The following MAF variants were observed in gnomAD, a reference collection of about 807,000 sequenced individuals.
MAF encodes transcription factor Maf.
A neutral mutation model predicts 22.0 loss-of-function variants in MAF; 10 were observed. That is an observed-to-expected ratio of 0.45 (90% confidence interval 0.28 to 0.77). MAF has a LOEUF of 0.77. MAF is among the 30% of genes least tolerant of loss of function. The pLI is 0.12. For synonymous variants in MAF, 337 were observed against 255.8 expected (o/e 1.32, Z -3.03); for missense variants, 544 against 548.4 (o/e 0.99, Z 0.08).
chr16:79,436,269 G>C, the MAF span, among the ~76,000 whole-genome samples: 2 of 152,128 alleles, frequency 1.3e-5, no homozygotes, highest in Non-Finnish European at 2.9e-5. Context: ...TTTTAGTAGG[G>C]ATGAGGTTTT....
chr16:79,302,518 C>T, the MAF span, among the ~76,000 whole-genome samples: 1 of 152,216 alleles, frequency 6.6e-6, no homozygotes, highest in Non-Finnish European at 1.5e-5. Context: ...ATCAAGTTGC[C>T]TGGTTGCAGG....
At chr16:79,502,721 ATATAT>A in the MAF span, among the ~76,000 whole-genome samples, 1 of 26,778 alleles carries the variant, frequency 3.7e-5, no homozygotes, top group African/African-American at 1.1e-4. Context: ...ATATATATAT[ATATAT>A]ATATATATAT....
At chr16:79,497,139 G>T in the MAF span, among the ~76,000 whole-genome samples, 1 of 152,116 alleles carries the variant, frequency 6.6e-6, no homozygotes, top group African/African-American at 2.4e-5. Flanking sequence ...TTAAATGGTG[G>T]CACATAAATT....
At chr16:79,416,214 T>C in the MAF span, among the ~76,000 whole-genome samples, 1 of 152,156 alleles carries the variant, frequency 6.6e-6, no homozygotes, top group Non-Finnish European at 1.5e-5. Flanking sequence ...GGCTGAGCTG[T>C]GGCAGCAGAA....
chr16:79,300,197 TA>T, the MAF span, among the ~76,000 whole-genome samples: 1 of 152,230 alleles, frequency 6.6e-6, no homozygotes, highest in Admixed American at 6.5e-5. Context: ...GTGTATGGAA[TA>T]AAAAATTAAA....
At chr16:79,484,463 G>A in the MAF span, among the ~76,000 whole-genome samples, 10 of 152,248 alleles carry the variant, frequency 6.6e-5, no homozygotes, top group African/African-American at 2.4e-4. Context: ...CACGTCCACC[G>A]GGCAATCACA....
At chr16:79,582,110 T>C (rs1488368203), downstream of MAF, among the ~76,000 whole-genome samples, 2 of 152,106 alleles carry the variant, frequency 1.3e-5, no homozygotes, top group African/African-American at 2.4e-5. Context: ...CCCACAAAAC[T>C]CAACCCTGCT....
chr16:79,446,655 G>A, the MAF span, among the ~76,000 whole-genome samples: 7 of 152,040 alleles, frequency 4.6e-5, no homozygotes, highest in African/African-American at 1.7e-4. Context: ...GCTCATGTCT[G>A]CACTCTCAGT....
chr16:79,522,163 C>A, the MAF span, among the ~76,000 whole-genome samples: 22 of 152,328 alleles, frequency 1.4e-4, no homozygotes, highest in African/African-American at 5.1e-4. Flanking sequence ...CAAGAACACA[C>A]AGCTACTTAG....
At chr16:79,211,584 T>C in the MAF span, 2 of 1,614,092 alleles carry the variant, frequency 1.2e-6, no homozygotes, top group African/African-American at 1.3e-5. Flanking sequence ...AAATTTTTTT[T>C]TGTCTTTCTT....
the MAF span, among the ~76,000 whole-genome samples, chr16:79,415,230 T>A: frequency 7.8e-6 from 1 of 128,808 alleles, no homozygotes; most frequent in African/African-American, 2.9e-5. Flanking sequence ...GGGCACAGGA[T>A]ACAAGTCAAC....
chr16:79,497,897 T>G, the MAF span, among the ~76,000 whole-genome samples: 2 of 152,204 alleles, frequency 1.3e-5, no homozygotes, highest in African/African-American at 2.4e-5. Flanking sequence ...TATTGACTCA[T>G]GTATTTCACC....
the MAF span, among the ~76,000 whole-genome samples, chr16:79,377,652 T>C: frequency 6.6e-6 from 1 of 152,248 alleles, no homozygotes; most frequent in East Asian, 1.9e-4. Context: ...AGCGTTTTTA[T>C]GGTTTTAGGT....
At chr16:79,218,746 G>A in the MAF span, among the ~76,000 whole-genome samples, 1 of 152,146 alleles carries the variant, frequency 6.6e-6, no homozygotes, top group Admixed American at 6.5e-5. Context: ...AATTAGAGTG[G>A]AAATTCAAAG....
At chr16:79,329,010 C>T in the MAF span, among the ~76,000 whole-genome samples, 98 of 152,142 alleles carry the variant, frequency 6.4e-4, 1 homozygote, top group African/African-American at 2.0e-3. Context: ...CATGAAGGAG[C>T]TGTTTTGCAA....
At chr16:79,568,877 C>A in the MAF span, among the ~76,000 whole-genome samples, 4 of 152,208 alleles carry the variant, frequency 2.6e-5, no homozygotes, top group Non-Finnish European at 5.9e-5. Flanking sequence ...TAGATTATCT[C>A]CTTTAATCCT....
At chr16:79,376,358 G>A in the MAF span, among the ~76,000 whole-genome samples, 1 of 151,850 alleles carries the variant, frequency 6.6e-6, no homozygotes, top group East Asian at 1.9e-4. Flanking sequence ...TTAATAAATG[G>A]AGTTTCATTA....
Position 79,599,155 on chromosome 16 carries a change from G to C in MAF, c.748C>G (p.His250Asp), listed in dbSNP as rs1291958107. The C allele has an allele frequency of 1.3e-6, 2 of 1,537,868 alleles. No individual in the cohort carries two copies. The highest frequency in any genetic ancestry group is 2.7e-5 in the African/African-American group (2 of 73,060). Residue 250 changes from histidine (H) to aspartate (D), a missense_variant, in exon 1 of 2, where the codon CAC becomes GAC. His to Asp is a moderately conservative substitution (Grantham distance 81). Coordinates refer to ENST00000326043, the MANE Select transcript of MAF (RefSeq NM_005360.5). ...TCGAAGTGCAGGCCGCCGGCGGCGT[G>C]GTGCGGGTGCAGGGCGCCCCCCGCC... ...AGAGGALHPH[H>D]AAGGLHFDDR...
the MAF span, among the ~76,000 whole-genome samples, chr16:79,553,247 T>G: frequency 1.3e-5 from 2 of 152,200 alleles, 1 homozygote; most frequent in East Asian, 3.9e-4. Flanking sequence ...GCACAGCAAC[T>G]CCAGGGAAGG....
Sources: gnomAD v4.1 joint callset for allele counts (sites outside exome capture counted in the v4.1 genomes callset) on GRCh38, gnomAD v4.1.1 for gene constraint, MANE v1.5 for transcripts, NCBI Gene and HGNC (gene_info 2026-07-23, HGNC 2026-07-21) for gene names.